The following BLTP1 variants were observed in gnomAD, a reference collection of about 807,000 sequenced individuals.
The protein encoded by BLTP1 is fragile site-associated protein.
At chr4:122,196,277 A>G in the BLTP1 span, among the ~76,000 whole-genome samples, 2 of 152,146 alleles carry the variant, frequency 1.3e-5, no homozygotes, top group Admixed American at 6.5e-5. Context: ...AAGCAGCTCA[A>G]ATTTTCTGGG....
At chr4:122,324,208 T>C in the BLTP1 span, among the ~76,000 whole-genome samples, 4 of 152,112 alleles carry the variant, frequency 2.6e-5, no homozygotes, top group East Asian at 7.7e-4. Context: ...TTCTTTTTTC[T>C]CAGGTCAGCT....
chr4:122,313,995 A>G, the BLTP1 span: 1 of 936,474 alleles, frequency 1.1e-6, no homozygotes, highest in Non-Finnish European at 1.3e-6. Context: ...CATGTACAAA[A>G]TTACATTGAA....
At chr4:122,332,098 A>C in the BLTP1 span, among the ~76,000 whole-genome samples, 1 of 151,964 alleles carries the variant, frequency 6.6e-6, no homozygotes, top group Admixed American at 6.6e-5. Flanking sequence ...CTGTAAAAAA[A>C]ATAGTTATAA....
the BLTP1 span, among the ~76,000 whole-genome samples, chr4:122,243,227 A>G: frequency 2.6e-5 from 4 of 152,220 alleles, no homozygotes; most frequent in Non-Finnish European, 5.9e-5. Context: ...CTTTGGCTAC[A>G]TTTATAAGTA....
the BLTP1 span, chr4:122,325,118 T>C: frequency 9.4e-7 from 1 of 1,058,470 alleles, no homozygotes; most frequent in Non-Finnish European, 1.3e-6. Context: ...AATCCTTTGA[T>C]TAGGTAAATA....
chr4:122,184,862 G>T, the BLTP1 span: 2 of 982,880 alleles, frequency 2.0e-6, no homozygotes, highest in Non-Finnish European at 2.4e-6. Context: ...ATGAACAGCT[G>T]CTCTAGCTGT....
chr4:122,153,164 T>TG, the BLTP1 span: 5 of 323,712 alleles, frequency 1.5e-5, no homozygotes, highest in Non-Finnish European at 2.2e-5. Context: ...TTGTCGTTTT[T>TG]TTTTTTTTTT....
At chr4:122,219,763 T>A in the BLTP1 span, among the ~76,000 whole-genome samples, 1 of 152,214 alleles carries the variant, frequency 6.6e-6, no homozygotes, top group East Asian at 1.9e-4. Flanking sequence ...TATTTTCTAT[T>A]TTTCTTCTAA....
chr4:122,338,887 T>C, the BLTP1 span, among the ~76,000 whole-genome samples: 44 of 152,318 alleles, frequency 2.9e-4, no homozygotes, highest in African/African-American at 9.1e-4. Flanking sequence ...GCATTTTGTT[T>C]ATACATTTTG....
At chr4:122,234,892 T>A in the BLTP1 span, 1 of 1,613,928 alleles carries the variant, frequency 6.2e-7, no homozygotes, top group Non-Finnish European at 8.5e-7. Context: ...TTCTTCAAAC[T>A]TGAAGAGTTG....
At chr4:122,218,997 A>C in the BLTP1 span, 1 of 204,048 alleles carries the variant, frequency 4.9e-6, no homozygotes, top group Non-Finnish European at 8.6e-6. Flanking sequence ...TTGCCTGAGA[A>C]CTCTGAGGAG....
At chr4:122,346,657 T>C in the BLTP1 span, 7 of 1,613,348 alleles carry the variant, frequency 4.3e-6, no homozygotes, top group Non-Finnish European at 5.9e-6. Context: ...CCTTTAAATA[T>C]GATATGCGCC....
chr4:122,287,712 C>T, the BLTP1 span: 17 of 984,848 alleles, frequency 1.7e-5, no homozygotes, highest in Non-Finnish European at 2.0e-5. Flanking sequence ...TCTGATTTAC[C>T]TTCTTAGGTC....
At chr4:122,180,650 G>A in the BLTP1 span, among the ~76,000 whole-genome samples, 2 of 152,296 alleles carry the variant, frequency 1.3e-5, no homozygotes, top group African/African-American at 2.4e-5. Context: ...ACAGCTAATT[G>A]AGACTCCTTG....
the BLTP1 span, chr4:122,281,375 C>CATGA: frequency 2.0e-6 from 2 of 980,780 alleles, no homozygotes; most frequent in African/African-American, 1.8e-5. Context: ...CATCATTGTT[C>CATGA]AACAGGTGTT....
At chr4:122,299,692 A>C in the BLTP1 span, 2 of 454,934 alleles carry the variant, frequency 4.4e-6, no homozygotes, top group East Asian at 1.5e-4. Flanking sequence ...GGGAAGAGGT[A>C]GTTGATAGCT....
At chr4:122,226,936 G>A in the BLTP1 span, 1 of 805,264 alleles carries the variant, frequency 1.2e-6, no homozygotes, top group Non-Finnish European at 1.7e-6. Context: ...TAGCCATGCA[G>A]CAAACTACAG....
At chr4:122,356,262 A>G in the BLTP1 span, among the ~76,000 whole-genome samples, 1 of 152,194 alleles carries the variant, frequency 6.6e-6, no homozygotes, top group Admixed American at 6.5e-5. Flanking sequence ...GAGCATCCCA[A>G]TCCAAAAATC....
the BLTP1 span, among the ~76,000 whole-genome samples, chr4:122,279,480 G>C: frequency 2.0e-3 from 301 of 152,116 alleles, 1 homozygote; most frequent in African/African-American, 7.0e-3. Flanking sequence ...GCTTGTTCTT[G>C]CTTCAATTTT....
Sources: allele counts gnomAD v4.1 joint callset (sites outside exome capture counted in the v4.1 genomes callset), GRCh38; gene constraint gnomAD v4.1.1; transcripts MANE v1.5; gene names NCBI Gene and HGNC (gene_info 2026-07-23, HGNC 2026-07-21).